Variants in ATP9B observed in about 807,000 individuals in gnomAD.
ATP9B encodes the protein probable phospholipid-transporting ATPase IIB.
Under a neutral mutation model 146.1 loss-of-function variants are expected in ATP9B, and 110 were observed. The ratio of observed to expected loss-of-function variants is 0.75; its 90% CI spans 0.65 to 0.88. ATP9B has a LOEUF of 0.88. Ranked by LOEUF, ATP9B falls within the 40% of genes least tolerant of loss-of-function variation. The pLI is 0.00. For missense variants in ATP9B, 1,499 were observed against 1,496.4 expected (o/e 1.00, Z -0.03); for synonymous variants, 604 against 569.7 (o/e 1.06, Z -0.86).
chr18:79,318,712 C>T (rs1043770586), intron 15 of ATP9B, among the ~76,000 whole-genome samples: 3 of 152,172 alleles, frequency 2.0e-5, no homozygotes, highest in African/African-American at 7.2e-5. Flanking sequence ...CAGAAAATTA[C>T]CAAATAAAAG....
At chr18:79,339,491 A>G (rs2096846452) in intron 19 of ATP9B, among the ~76,000 whole-genome samples, 1 of 151,856 alleles carries the variant, frequency 6.6e-6, no homozygotes, top group Admixed American at 6.6e-5. Context: ...TGATCACAGT[A>G]GGAAGTGTCA....
intron 6 of ATP9B, chr18:79,146,528 T>G (rs1053957744): frequency 5.6e-6 from 1 of 179,718 alleles, no homozygotes; most frequent in African/African-American, 2.5e-5. Context: ...GCTGGCGGTG[T>G]GCACAGTGAC....
chr18:79,329,224 T>C lies in ATP9B; in HGVS notation c.1857T>C (p.Ser619=). The change falls in exon 16 of 30, where the codon AGT becomes AGC. Residue 619 remains serine (S), a synonymous_variant. Coordinates refer to ENST00000426216, the MANE Select transcript of ATP9B (RefSeq NM_198531.5). ...DLTSMQLKTP[S]GQVLSFCILQ... The stretch of plus-strand genomic sequence containing the variant: ...CCTCCATGCAGCTGAAGACCCCCAG[T>C]GGCCAGGTCCTCAGCTTCTGCATTC... 4 of 1,612,996 alleles carry C rather than the reference T, an allele frequency of 2.5e-6. No homozygotes were observed. The highest frequency in any genetic ancestry group is 3.4e-6 in the Non-Finnish European group (4 of 1,179,894).
At chr18:79,094,030 A>G (rs1437875052) in intron 1 of ATP9B, among the ~76,000 whole-genome samples, 1 of 152,238 alleles carries the variant, frequency 6.6e-6, no homozygotes, top group Non-Finnish European at 1.5e-5. Context: ...TCTGGGTCTC[A>G]TAATCCTTTG....
chr18:79,254,388 G>A (rs1028199759), intron 12 of ATP9B: 1 of 152,204 alleles, frequency 6.6e-6, no homozygotes, highest in Non-Finnish European at 1.5e-5. Context: ...ATCTGTTCTT[G>A]GGATGTGTAC....
chr18:79,373,794 C>T, intron 27 of ATP9B, 104 bp from the exon 28 acceptor site: 1 of 1,218,142 alleles, frequency 8.2e-7, no homozygotes, highest in South Asian at 1.3e-5. Flanking sequence ...TGGCCTATCC[C>T]CTATTTTTAA....
chr18:79,070,421 T>A (rs1433792406), intron 1 of ATP9B, among the ~76,000 whole-genome samples: 1 of 152,254 alleles, frequency 6.6e-6, no homozygotes, highest in Non-Finnish European at 1.5e-5. Flanking sequence ...GGGTAACTTA[T>A]TTAAACTCAA....
chr18:79,098,255 G>A (rs1189817741), intron 2 of ATP9B, among the ~76,000 whole-genome samples: 7 of 151,748 alleles, frequency 4.6e-5, no homozygotes, highest in East Asian at 3.9e-4. Context: ...AGATTTAAAC[G>A]TTAGACCTAA....
chr18:79,172,810 C>A (rs887141686), intron 7 of ATP9B, among the ~76,000 whole-genome samples: 4 of 152,222 alleles, frequency 2.6e-5, no homozygotes, highest in African/African-American at 9.6e-5. Flanking sequence ...TTGTTGTTTA[C>A]AGGTTTTTGT....
chr18:79,169,203 TGA>T (rs2147852215), intron 7 of ATP9B, among the ~76,000 whole-genome samples: 1 of 152,200 alleles, frequency 6.6e-6, no homozygotes, highest in South Asian at 2.1e-4. Flanking sequence ...TGGTGAACAG[TGA>T]GTTTTCTTGG....
intron 5 of ATP9B, among the ~76,000 whole-genome samples, chr18:79,139,172 A>C (rs1286943405): frequency 6.6e-6 from 1 of 152,210 alleles, no homozygotes; most frequent in African/African-American, 2.4e-5. Context: ...TTACTTTGCT[A>C]TGTGCCTTAA....
At chr18:79,327,718 AGC>A (rs2096762907) in intron 15 of ATP9B, among the ~76,000 whole-genome samples, 1 of 106,900 alleles carries the variant, frequency 9.4e-6, no homozygotes, top group African/African-American at 3.8e-5. Context: ...CTCCATGGTT[AGC>A]GTGCTCGCCG....
At chr18:79,377,161 T>G in intron 29 of ATP9B, 86 bp from the exon 30 acceptor site, 1 of 1,513,528 alleles carries the variant, frequency 6.6e-7, no homozygotes, top group Admixed American at 1.7e-5. Context: ...GACCGTCTGG[T>G]GGCCTGGCCA....
chr18:79,256,606 A>G (rs1236218370), intron 12 of ATP9B, among the ~76,000 whole-genome samples: 3 of 151,766 alleles, frequency 2.0e-5, no homozygotes, highest in Non-Finnish European at 4.4e-5. Flanking sequence ...GAAATTTTAC[A>G]TATTTAATAT....
chr18:79,157,049 T>G (rs1029078921), intron 7 of ATP9B, among the ~76,000 whole-genome samples: 5 of 152,104 alleles, frequency 3.3e-5, no homozygotes, highest in Non-Finnish European at 7.4e-5. Flanking sequence ...GTTAAGGCTT[T>G]TTTTGCATCT....
chr18:79,237,242 C>T (rs570947657), intron 11 of ATP9B, among the ~76,000 whole-genome samples: 2 of 138,928 alleles, frequency 1.4e-5, no homozygotes, highest in East Asian at 2.3e-4. Context: ...ACTGTGTACA[C>T]GGTCCGTGCA....
chr18:79,093,102 G>A (rs1218266088), intron 1 of ATP9B, among the ~76,000 whole-genome samples: 1 of 152,158 alleles, frequency 6.6e-6, no homozygotes, highest in Non-Finnish European at 1.5e-5. Context: ...GTCACTAGGT[G>A]TTAGGAATTT....
chr18:79,123,964 ACTT>A (rs1227347491), intron 4 of ATP9B, among the ~76,000 whole-genome samples: 5 of 152,344 alleles, frequency 3.3e-5, no homozygotes, highest in Middle Eastern at 3.4e-3. Context: ...CAGAGATACT[ACTT>A]CACACCCAGT....
chr18:79,096,571 T>TA lies in ATP9B; in HGVS notation c.216dup (p.Pro73ThrfsTer18). The TA allele has an allele frequency of 6.2e-7, 1 of 1,614,096 alleles. No homozygotes were observed. The highest frequency in any genetic ancestry group is 1.6e-4 in the Middle Eastern group (1 of 6,062). ...AATGAGGAAAGTGATTACCACACCT[T>TA]ACCACGAGCCAGGATAATGCAAAGG... On this transcript the variant is annotated frameshift_variant, in exon 2 of 30. Transcript: ENST00000426216. LOFTEE classifies it high-confidence loss of function.
Sources: gnomAD v4.1 joint callset for allele counts (sites outside exome capture counted in the v4.1 genomes callset) on GRCh38, gnomAD v4.1.1 for gene constraint, MANE v1.5 for transcripts, NCBI Gene and HGNC (gene_info 2026-07-23, HGNC 2026-07-21) for gene names.